CEMIP2: variants seen among roughly 807,000 people sequenced by gnomAD.
The protein encoded by CEMIP2 is cell migration inducing hyaluronidase 2, also known as cell surface hyaluronidase CEMIP2.
In CEMIP2, 79 loss-of-function variants were observed where a neutral mutation model predicts 146.9. That is an observed-to-expected ratio of 0.54 (90% CI 0.45 to 0.65). The LOEUF (loss-of-function observed/expected upper bound fraction) is 0.65, where lower values mean the gene tolerates loss of function less well. Ranked by LOEUF, CEMIP2 falls within the 30% of genes least tolerant of loss-of-function variation. The pLI is 0.00. For synonymous variants in CEMIP2, 601 were observed against 606.3 expected (o/e 0.99, Z 0.13); for missense variants, 1,596 against 1,696.2 (o/e 0.94, Z 1.04).
intron 1 of CEMIP2, among the ~76,000 whole-genome samples, chr9:71,755,087 T>C (rs1359418642): frequency 6.6e-6 from 1 of 151,808 alleles, no homozygotes; most frequent in Non-Finnish European, 1.5e-5. Context: ...GAGACTTGTA[T>C]AATTGGTAAG....
rs1822181632 is a variant in CEMIP2, at chr9:71,690,118, C to T, written c.3825G>A (p.Glu1275=). The T allele has an allele frequency of 1.2e-6, 2 of 1,614,026 alleles. No homozygotes were observed. The highest frequency in any genetic ancestry group is 1.3e-5 in the African/African-American group (1 of 74,920). The part of the protein sequence containing the change: ...FPLADVSRIE[E]YLKTGIPPRS... ...TTGGAGGGATGCCTGTTTTTAAATA[C>T]TCTTCAATGCGACTGACATCAGCAA... The change falls in exon 22 of 24, where the codon GAG becomes GAA. Residue 1275 remains glutamate (E), a synonymous_variant. Coordinates refer to ENST00000377044, the MANE Select transcript of CEMIP2 (RefSeq NM_013390.3).
At chr9:71,706,104 C>G (rs1030889559) in intron 17 of CEMIP2, among the ~76,000 whole-genome samples, 10 of 151,934 alleles carry the variant, frequency 6.6e-5, no homozygotes, top group African/African-American at 1.9e-4. Flanking sequence ...TGGCGGGTGC[C>G]TGTAATCCCA....
intron 1 of CEMIP2, among the ~76,000 whole-genome samples, chr9:71,762,437 G>A (rs900696471): frequency 1.5e-5 from 2 of 136,372 alleles, no homozygotes; most frequent in Non-Finnish European, 3.0e-5. Flanking sequence ...AGTGTGCTAG[G>A]ACTACTATAG....
At chr9:71,735,633 A>G (rs779763436) in intron 5 of CEMIP2, among the ~76,000 whole-genome samples, 2 of 151,602 alleles carry the variant, frequency 1.3e-5, no homozygotes, top group Non-Finnish European at 2.9e-5. Flanking sequence ...ACAAAAAAAC[A>G]TTGGCCAGGT....
chr9:71,742,461 C>T (rs757243718), intron 4 of CEMIP2, among the ~76,000 whole-genome samples: 11 of 152,114 alleles, frequency 7.2e-5, no homozygotes, highest in Middle Eastern at 3.2e-3. Context: ...AAAATTTCAG[C>T]GCACCAGAAC....
chr9:71,727,503 A>T (rs1015136862), intron 10 of CEMIP2, among the ~76,000 whole-genome samples: 2 of 152,224 alleles, frequency 1.3e-5, no homozygotes. Context: ...CCTTCAGATT[A>T]TGTGTTATGT....
chr9:71,711,754 T>C (rs953316659), intron 16 of CEMIP2, among the ~76,000 whole-genome samples: 11 of 152,212 alleles, frequency 7.2e-5, no homozygotes, highest in Non-Finnish European at 1.6e-4. Flanking sequence ...GGAAATGGGC[T>C]ACCCAACCAG....
intron 14 of CEMIP2, 101 bp from the exon 15 acceptor site, chr9:71,715,190 G>C: frequency 1.9e-6 from 2 of 1,058,938 alleles, no homozygotes; most frequent in Non-Finnish European, 2.5e-6. Flanking sequence ...AGTTTTAAAA[G>C]AAGTCAATAG....
intron 7 of CEMIP2, 49 bp downstream of exon 7, chr9:71,732,302 A>G (rs181552133): frequency 1.3e-6 from 2 of 1,517,592 alleles, no homozygotes; most frequent in Non-Finnish European, 1.8e-6. Flanking sequence ...CTTCAAACAT[A>G]TATTTAGCAA....
chr9:71,685,222 A>G lies in CEMIP2; in HGVS notation c.4127T>C (p.Leu1376Pro). The change falls in exon 24 of 24, where the codon CTA becomes CCA. Residue 1376 changes from leucine (L) to proline (P), a missense_variant. Leu to Pro is a moderately conservative substitution (Grantham distance 98). Transcript: ENST00000377044. ...TTVRRRDLEL[L>P]KQASKAH ...CTAATGTGCTTTTGAAGCTTGCTTT[A>G]GCAGTTCCAGGTCTCTTCTGCGGAC... is the stretch of plus-strand genomic sequence containing the variant. 1 of 1,611,258 alleles carries G rather than the reference A, an allele frequency of 6.2e-7. No individual in the cohort carries two copies. The highest frequency in any genetic ancestry group is 8.5e-7 in the Non-Finnish European group (1 of 1,179,196).
At chr9:71,723,356 A>T (rs77122231) in intron 11 of CEMIP2, among the ~76,000 whole-genome samples, 160 of 34,826 alleles carry the variant, frequency 4.6e-3, no homozygotes, top group South Asian at 0.027. Flanking sequence ...AAGAGAATTT[A>T]AAAAAAAAAA....
At chr9:71,728,239 A>ACACG (rs374715353) in intron 10 of CEMIP2, among the ~76,000 whole-genome samples, 1 of 30,062 alleles carries the variant, frequency 3.3e-5, no homozygotes, top group Non-Finnish European at 9.1e-5. Context: ...CTCTATATAT[A>ACACG]TATATATATA....
intron 21 of CEMIP2, among the ~76,000 whole-genome samples, chr9:71,693,780 C>T (rs990864418): frequency 5.9e-5 from 9 of 152,206 alleles, no homozygotes; most frequent in Admixed American, 2.0e-4. Context: ...GAAGCTGTGA[C>T]GGTGTACACA....
At chr9:71,704,310 G>A in intron 18 of CEMIP2, 1 of 382,468 alleles carries the variant, frequency 2.6e-6, no homozygotes, top group South Asian at 2.9e-5. Context: ...TCCCATCCCA[G>A]CTAGAGGGAA....
intron 20 of CEMIP2, 134 bp downstream of exon 20, chr9:71,697,851 G>T: frequency 1.1e-6 from 1 of 889,428 alleles, no homozygotes. Flanking sequence ...TTTTAGCATG[G>T]GCCAAAATTC....
Position 71,750,316 on chromosome 9 carries a change from T to G in CEMIP2, c.58A>C (p.Asn20His), listed in dbSNP as rs753176157. Reference sequence around the variant, plus strand: ...ACATAGCCAGATGGGTGACGACTATTTCCATTCTGAGGTTGGAGGAAAGCA... The same window carrying G: ...ACATAGCCAGATGGGTGACGACTATGTCCATTCTGAGGTTGGAGGAAAGCA... ...SPAFLQPQNG[N>H]SRHPSGYVPG... Residue 20 changes from asparagine to histidine, a missense_variant, in exon 2 of 24, where the codon AAT becomes CAT. By Grantham distance (68) the Asn-to-His change is moderately conservative (BLOSUM62 1). Transcript: ENST00000377044. The G allele has an allele frequency of 1.2e-6, 2 of 1,614,146 alleles. No individual in the cohort carries two copies. The highest frequency in any genetic ancestry group is 1.7e-6 in the Non-Finnish European group (2 of 1,179,998).
At chr9:71,760,858 G>A (rs759301201) in intron 1 of CEMIP2, among the ~76,000 whole-genome samples, 11 of 152,190 alleles carry the variant, frequency 7.2e-5, no homozygotes, top group Non-Finnish European at 1.3e-4. Flanking sequence ...GAAAAAGGTC[G>A]TTGTACCTAC....
rs764273623 is a variant in CEMIP2 at position 71,732,375 on chromosome 9, A to C, written c.1539T>G (p.Tyr513Ter). 6.2e-7 allele frequency: 1 copy of C among 1,612,706 alleles called. No individual in the cohort carries two copies. Among genetic ancestry groups the C allele is most frequent in the Non-Finnish European group, 8.5e-7 (1 of 1,179,676 alleles). The change falls in exon 7 of 24, where the codon TAT becomes TAG. Residue 513 changes from tyrosine (Y) to a stop codon, truncating the protein, a stop_gained. Transcript: ENST00000377044. LOFTEE classifies it high-confidence loss of function. ...YAENQCQFFD[Y>*]DTFGGHIMIM... ...CCATAATGTGTCCCCCAAAGGTATCATAATCAAAAAATTGGCACTGATTTT... is the reference window on the plus strand; with the variant it reads ...CCATAATGTGTCCCCCAAAGGTATCCTAATCAAAAAATTGGCACTGATTTT...
In CEMIP2 at chr9:71,719,254, C is replaced by T. The variant is rs1383729872; in HGVS notation, c.2268-1175G>A. Among the ~76,000 whole-genome samples the T allele has an allele frequency of 5.9e-5, 9 of 152,188 alleles. 1 individual carries two copies. In the South Asian group the frequency reaches 1.9e-3, roughly 31 times the overall value. On this transcript the variant is annotated intron_variant, in intron 12 of 23. Transcript: ENST00000377044. ...CACAGCTGTTGGCACACAGTAGGTG[C>T]TCACTAAATGGATATGATGGCAGAG...
Sources: allele counts gnomAD v4.1 joint callset (sites outside exome capture counted in the v4.1 genomes callset), GRCh38; gene constraint gnomAD v4.1.1; transcripts MANE v1.5; gene names NCBI Gene and HGNC (gene_info 2026-07-23, HGNC 2026-07-21).